The following GDAP1 variants were observed in gnomAD, a reference collection of about 807,000 sequenced individuals.
GDAP1 encodes ganglioside induced differentiation associated protein 1.
GDAP1 carries 34 observed loss-of-function variants against 40.1 expected under a neutral mutation model. That is an observed-to-expected ratio of 0.85 (90% CI 0.64 to 1.13). The LOEUF (loss-of-function observed/expected upper bound fraction) is 1.13, where lower values mean the gene tolerates loss of function less well. Ranked by LOEUF, GDAP1 falls within the 50% of genes most tolerant of loss-of-function variation. The pLI is 0.00. For synonymous variants in GDAP1, 170 were observed against 157.4 expected (o/e 1.08, Z -0.60); for missense variants, 374 against 433.7 (o/e 0.86, Z 1.22).
At chr8:74,369,578 C>T (rs558270352), downstream of GDAP1, among the ~76,000 whole-genome samples, 28 of 151,818 alleles carry the variant, frequency 1.8e-4, no homozygotes, top group African/African-American at 5.3e-4. Context: ...ATGTGTGTTA[C>T]GGGAGTTCTA....
intron 2 of GDAP1, among the ~76,000 whole-genome samples, chr8:74,374,832 C>G (rs1440005537): frequency 6.6e-6 from 1 of 152,060 alleles, no homozygotes; most frequent in African/African-American, 2.4e-5. Context: ...ATCCACTAAA[C>G]AAATTGAATT....
At chr8:74,457,592 C>T (rs1372045664) in intron 2 of GDAP1, among the ~76,000 whole-genome samples, 1 of 152,042 alleles carries the variant, frequency 6.6e-6, no homozygotes, top group Non-Finnish European at 1.5e-5. Flanking sequence ...GCGGAATAAA[C>T]ATTGATTTCA....
At chr8:74,391,316 A>G (rs764435646) in intron 2 of GDAP1, among the ~76,000 whole-genome samples, 3 of 148,270 alleles carry the variant, frequency 2.0e-5, no homozygotes, top group Non-Finnish European at 4.5e-5. Context: ...TGGTGTAGGC[A>G]TCTGAGGGAT....
At chr8:74,376,224 A>G (rs1179644117) in intron 2 of GDAP1, among the ~76,000 whole-genome samples, 1 of 152,230 alleles carries the variant, frequency 6.6e-6, no homozygotes, top group Non-Finnish European at 1.5e-5. Context: ...AATCACCATT[A>G]CAGCAGTCCC....
In GDAP1 at chr8:74,401,448, A is replaced by C. The variant is rs577916330; in HGVS notation, c.165+50127A>C. 2.0e-5 allele frequency among the ~76,000 whole-genome samples: 3 copies of C among 149,612 alleles called. No homozygotes were observed. In the East Asian group the frequency reaches 5.8e-4, roughly 29 times the overall value. On this transcript the variant is annotated intron_variant, in intron 2 of 2. Transcript: ENST00000523640. ...TCTGTATTGGTTATTCTAGTTATACATTCGTCTCTATTTTTTTCAAAGTTT... is the reference window on the plus strand; with the variant it reads ...TCTGTATTGGTTATTCTAGTTATACCTTCGTCTCTATTTTTTTCAAAGTTT...
rs748337520 is a variant in GDAP1, at chr8:74,366,074, A to C, written c.*1707A>C. On this transcript the variant is annotated 3_prime_UTR_variant, in exon 6 of 6. Coordinates refer to ENST00000220822, the MANE Select transcript of GDAP1 (RefSeq NM_018972.4). The stretch of plus-strand genomic sequence containing the variant: ...TCTGAAGGATATTTACCTATGAAAA[A>C]GTTGTTAAGAATAAAAATTAGAAGT... 4.6e-6 allele frequency: 2 copies of C among 439,148 alleles called. No homozygotes were observed. Among genetic ancestry groups the C allele is most frequent in the Non-Finnish European group, 9.0e-6 (2 of 222,452 alleles). The allele number at this position is 439,148 out of a possible 1,614,324, so 27.2% of individuals were successfully genotyped here.
intron 2 of GDAP1, among the ~76,000 whole-genome samples, chr8:74,377,944 AAG>A (rs10537174): frequency 0.024 from 3,692 of 152,324 alleles, 153 homozygotes; most frequent in African/African-American, 0.084. Context: ...CATAGATAAA[AAG>A]AGAACAAACC....
At chr8:74,427,228 G>C (rs1014572859) in intron 2 of GDAP1, among the ~76,000 whole-genome samples, 5 of 152,200 alleles carry the variant, frequency 3.3e-5, no homozygotes, top group Non-Finnish European at 5.9e-5. Flanking sequence ...GAACGAGGCC[G>C]TGTGATGCCA....
intron 2 of GDAP1, among the ~76,000 whole-genome samples, chr8:74,422,317 CT>C (rs1175474254): frequency 7.2e-5 from 4 of 55,504 alleles, no homozygotes; most frequent in Non-Finnish European, 1.2e-4. Context: ...TTCTTTCTTT[CT>C]TTCTTTCTTT....
At chr8:74,458,024 G>C (rs1806356929) in intron 2 of GDAP1, among the ~76,000 whole-genome samples, 1 of 151,970 alleles carries the variant, frequency 6.6e-6, no homozygotes, top group Non-Finnish European at 1.5e-5. Flanking sequence ...AAGAATAACT[G>C]TTCACCGTCC....
chr8:74,406,997 T>C (rs2131552070), intron 2 of GDAP1, among the ~76,000 whole-genome samples: 1 of 150,114 alleles, frequency 6.7e-6, no homozygotes, highest in South Asian at 2.1e-4. Context: ...CACCAGAATA[T>C]AATTTTGTCT....
chr8:74,369,834 A>G (rs1809718286), downstream of GDAP1, among the ~76,000 whole-genome samples: 1 of 152,192 alleles, frequency 6.6e-6, no homozygotes, highest in African/African-American at 2.4e-5. Context: ...GATATACACA[A>G]GAGAATGATG....
At position 74,366,187 on chromosome 8, in the gene GDAP1, C is replaced by G. The variant is rs1809626050; in HGVS notation, c.*1820C>G. ...TGTTTATAATTTCCTTGTACAGTTTCTTTGGAAATACGTTAAAGATAGTGG... is the reference window on the plus strand; with the variant it reads ...TGTTTATAATTTCCTTGTACAGTTTGTTTGGAAATACGTTAAAGATAGTGG... On this transcript the variant is annotated 3_prime_UTR_variant, in exon 6 of 6. Transcript: ENST00000220822. 1 of 453,840 alleles carries G rather than the reference C, an allele frequency of 2.2e-6. No homozygotes were observed. The highest frequency in any genetic ancestry group is 2.0e-5 in the African/African-American group (1 of 49,964). 28.1% of individuals were successfully genotyped at this position (453,840 alleles called of 1,614,324 possible).
intron 2 of GDAP1, among the ~76,000 whole-genome samples, chr8:74,386,881 C>T (rs1810033696): frequency 1.3e-5 from 2 of 152,138 alleles, no homozygotes; most frequent in Admixed American, 1.3e-4. Context: ...TTGTAGTTCT[C>T]CTTGAAGAGG....
At chr8:74,443,023 A>G (rs1055747332) in intron 2 of GDAP1, among the ~76,000 whole-genome samples, 13 of 152,236 alleles carry the variant, frequency 8.5e-5, no homozygotes, top group African/African-American at 3.1e-4. Context: ...TAAAGGGATT[A>G]GAAACTAGTT....
intron 2 of GDAP1, among the ~76,000 whole-genome samples, chr8:74,449,197 G>T (rs1409148052): frequency 6.6e-6 from 1 of 151,678 alleles, no homozygotes. Context: ...CTATTTTATT[G>T]ATCTATTTGC....
At chr8:74,470,913 C>G (rs1210189438) in intron 2 of GDAP1, among the ~76,000 whole-genome samples, 1 of 151,952 alleles carries the variant, frequency 6.6e-6, no homozygotes, top group Non-Finnish European at 1.5e-5. Flanking sequence ...TCTCCAGCAC[C>G]TGTTTCCTGA....
intron 2 of GDAP1, among the ~76,000 whole-genome samples, chr8:74,422,323 TTCTTTCTTTC>T (rs1805877059): frequency 1.7e-5 from 1 of 60,342 alleles, no homozygotes; most frequent in Non-Finnish European, 2.9e-5. Flanking sequence ...CTTTCTTTCT[TTCTTTCTTTC>T]TTTCTTTCTT....
intron 2 of GDAP1, among the ~76,000 whole-genome samples, chr8:74,434,194 G>A (rs191940950): frequency 6.6e-6 from 1 of 152,294 alleles, no homozygotes; most frequent in East Asian, 1.9e-4. Context: ...TGAAGTGACA[G>A]CAGTCTTCTG....
Sources: allele counts gnomAD v4.1 joint callset (sites outside exome capture counted in the v4.1 genomes callset), GRCh38; gene constraint gnomAD v4.1.1; transcripts MANE v1.5; gene names NCBI Gene and HGNC (gene_info 2026-07-23, HGNC 2026-07-21).